Variants in FNDC3A observed in about 807,000 individuals in gnomAD.
FNDC3A encodes fibronectin type III domain containing 3A, also known as fibronectin type-III domain-containing protein 3A.
Under a neutral mutation model 148.9 loss-of-function variants are expected in FNDC3A, and 32 were observed. The ratio of observed to expected loss-of-function variants is 0.21; its 90% confidence interval spans 0.16 to 0.29. The LOEUF (loss-of-function observed/expected upper bound fraction) is 0.29, where lower values mean the gene tolerates loss of function less well. Ranked by LOEUF, FNDC3A falls within the 10% of genes least tolerant of loss-of-function variation. The pLI, the probability that FNDC3A is intolerant of heterozygous loss-of-function variation, is 1.00. For missense variants in FNDC3A, 1,191 were observed against 1,452.8 expected, an observed-to-expected ratio of 0.82 and a Z score of 2.93; for synonymous variants, 472 against 473.6, an observed-to-expected ratio of 1.00 and a Z score of 0.04.
rs1199552413 is a variant in FNDC3A at position 49,208,508 on chromosome 13, CTGTT to C, written c.*1116_*1119del. 6.6e-6 allele frequency: 1 copy of C among 152,618 alleles called. No individual in the cohort carries two copies. The highest frequency in any genetic ancestry group is 1.5e-5 in the Non-Finnish European group (1 of 68,030). The allele number at this position is 152,618 out of a possible 1,614,324, so 9.5% of individuals were successfully genotyped here. On this transcript the variant is annotated 3_prime_UTR_variant, in exon 26 of 26. Transcript: ENST00000492622. ...AAACTAAACGTTTAACGTATAATGT[CTGTT>C]TGGATACTGTTCCAAATTGTTGATT...
intron 10 of FNDC3A, 83 bp from the exon 11 acceptor site, chr13:49,171,960 C>T (rs1478035377): frequency 1.0e-6 from 1 of 956,580 alleles, no homozygotes; most frequent in African/African-American, 1.7e-5. Flanking sequence ...GCCACATAAA[C>T]TAGATCCTTA....
intron 23 of FNDC3A, among the ~76,000 whole-genome samples, chr13:49,200,362 C>T (rs2138134323): frequency 6.6e-6 from 1 of 152,240 alleles, no homozygotes; most frequent in South Asian, 2.1e-4. Flanking sequence ...TGATCATTTC[C>T]TAAAATCTGT....
intron 3 of FNDC3A, among the ~76,000 whole-genome samples, chr13:49,082,622 T>C (rs1878552938): frequency 6.6e-6 from 1 of 151,972 alleles, no homozygotes. Context: ...CAGAACAATA[T>C]AGGCAGTGCA....
chr13:49,109,695 AGCACCT>A (rs1880422414), intron 3 of FNDC3A, among the ~76,000 whole-genome samples: 1 of 152,176 alleles, frequency 6.6e-6, no homozygotes, highest in Non-Finnish European at 1.5e-5. Flanking sequence ...CCATCTACTG[AGCACCT>A]GCACTTTAAT....
At chr13:49,088,018 G>A (rs112702641) in intron 3 of FNDC3A, among the ~76,000 whole-genome samples, 97 of 152,086 alleles carry the variant, frequency 6.4e-4, no homozygotes, top group African/African-American at 2.0e-3. Context: ...TTAGAATGAA[G>A]TTTTCTAAAG....
chr13:49,004,922 A>G (rs984658845), intron 1 of FNDC3A, among the ~76,000 whole-genome samples: 2 of 151,958 alleles, frequency 1.3e-5, no homozygotes, highest in Non-Finnish European at 2.9e-5. Flanking sequence ...GAGCAACATT[A>G]TTTGACAATA....
At chr13:49,116,552 T>C (rs1880972761) in intron 4 of FNDC3A, among the ~76,000 whole-genome samples, 1 of 152,152 alleles carries the variant, frequency 6.6e-6, no homozygotes, top group African/African-American at 2.4e-5. Context: ...CCCAGCTCTT[T>C]GGGAGGCCAA....
At chr13:49,202,409 CAT>C (rs1381573819) in intron 24 of FNDC3A, among the ~76,000 whole-genome samples, 15 of 152,194 alleles carry the variant, frequency 9.9e-5, no homozygotes, top group Non-Finnish European at 1.9e-4. Flanking sequence ...TTTACACACA[CAT>C]GTACACATAT....
chr13:49,024,871 T>C (rs969075475), intron 2 of FNDC3A, among the ~76,000 whole-genome samples: 3 of 151,996 alleles, frequency 2.0e-5, no homozygotes, highest in African/African-American at 7.2e-5. Flanking sequence ...ACTTATACTG[T>C]TGTTTTTCCT....
chr13:49,075,271 C>CTTCCCCTCATT lies in FNDC3A; in HGVS notation c.100-15_100-5dup, dbSNP rs750720405. ...CTTTTTTTTGTTTTGATTAATACTT[C>CTTCCCCTCATT]TTCCCCTCATTTTTAAGGTTATTCT... On this transcript the variant is annotated splice_polypyrimidine_tract_variant and intron_variant, in intron 2 of 25. Coordinates refer to ENST00000492622, the MANE Select transcript of FNDC3A (RefSeq NM_001079673.2). 1.4e-6 allele frequency: 2 copies of CTTCCCCTCATT among 1,480,586 alleles called. No individual in the cohort carries two copies. Among genetic ancestry groups the CTTCCCCTCATT allele is most frequent in the South Asian group, 2.3e-5 (2 of 85,896 alleles). The allele number at this position is 1,480,586 out of a possible 1,614,324, so 91.7% of individuals were successfully genotyped here. A position where few individuals can be genotyped will look rare whatever the true frequency, so the allele number is the denominator to read the frequency against.
rs773384682 is a variant in FNDC3A, at chr13:49,136,443, T to A, written c.602T>A (p.Met201Lys). The change falls in exon 6 of 26, where the codon ATG becomes AAG. Residue 201 changes from methionine (M) to lysine (K), a missense_variant. Physicochemically the swap from Met to Lys is moderately conservative, Grantham distance 95. Transcript: ENST00000492622. ...CGCCAAGGAACACAGAAAGATAAAA[T>A]GAGCAGTCCACCATCATCACCCCAG... Reference protein sequence around the residue: ...KDRQGTQKDKMSSPPSSPQKC... With the variant: ...KDRQGTQKDKKSSPPSSPQKC... 1 of 1,614,076 alleles carries A rather than the reference T, an allele frequency of 6.2e-7. No homozygotes were observed. Among genetic ancestry groups the A allele is most frequent in the Admixed American group, 1.7e-5 (1 of 60,010 alleles).
chr13:49,034,095 T>C (rs900892151), intron 2 of FNDC3A, among the ~76,000 whole-genome samples: 8 of 152,022 alleles, frequency 5.3e-5, no homozygotes, highest in African/African-American at 1.9e-4. Context: ...AGGTAAAATA[T>C]GCGGAGTCTT....
At chr13:49,074,172 G>A (rs139921869) in intron 2 of FNDC3A, among the ~76,000 whole-genome samples, 213 of 152,046 alleles carry the variant, frequency 1.4e-3, no homozygotes, top group African/African-American at 5.0e-3. Context: ...TGAGATTTGG[G>A]TGCACCCATC....
intron 2 of FNDC3A, among the ~76,000 whole-genome samples, chr13:49,072,841 G>A (rs1402041882): frequency 7.8e-6 from 1 of 128,156 alleles, no homozygotes; most frequent in Non-Finnish European, 1.8e-5. Flanking sequence ...AAATTTGTTT[G>A]TCAGTTCTAA....
chr13:48,983,067 T>C (rs1263999464), intron 1 of FNDC3A, among the ~76,000 whole-genome samples: 1 of 152,172 alleles, frequency 6.6e-6, no homozygotes, highest in Non-Finnish European at 1.5e-5. Flanking sequence ...TTGTTGAACA[T>C]TTAAAATGTC....
chr13:49,020,682 G>A (rs2183095), intron 2 of FNDC3A, among the ~76,000 whole-genome samples: 48,930 of 152,048 alleles, frequency 0.32, 7,992 homozygotes, highest in South Asian at 0.48. Flanking sequence ...GGTTATAATA[G>A]CAGCTACTGT....
intron 19 of FNDC3A, 134 bp from the exon 20 acceptor site, chr13:49,196,743 T>C (rs780167332): frequency 1.9e-4 from 99 of 510,750 alleles, no homozygotes; most frequent in Non-Finnish European, 2.9e-4. Flanking sequence ...TGAATACTTA[T>C]AGAATTATGA....
chr13:49,023,762 A>G (rs1197902130), intron 2 of FNDC3A, among the ~76,000 whole-genome samples: 1 of 151,986 alleles, frequency 6.6e-6, no homozygotes, highest in Non-Finnish European at 1.5e-5. Context: ...AAATAGGGAA[A>G]TGCATTCAAC....
At chr13:49,033,334 T>C (rs573577066) in intron 2 of FNDC3A, among the ~76,000 whole-genome samples, 12 of 152,270 alleles carry the variant, frequency 7.9e-5, no homozygotes, top group Non-Finnish European at 1.2e-4. Context: ...CTACCGTACA[T>C]TGGATAATTT....
Sources: gnomAD v4.1 joint callset for allele counts (sites outside exome capture counted in the v4.1 genomes callset) on GRCh38, gnomAD v4.1.1 for gene constraint, MANE v1.5 for transcripts, NCBI Gene and HGNC (gene_info 2026-07-23, HGNC 2026-07-21) for gene names.